The following YTHDF3 variants were observed in gnomAD, a reference collection of about 807,000 sequenced individuals.
YTHDF3 encodes YTH N6-methyladenosine RNA binding protein F3, also known as YTH domain-containing family protein 3.
YTHDF3 carries 9 observed loss-of-function variants against 52.5 expected under a neutral mutation model. The ratio of observed to expected loss-of-function variants is 0.17; its 90% CI spans 0.10 to 0.30. YTHDF3 has a LOEUF of 0.30. YTHDF3 is among the 10% of genes least tolerant of loss of function. The pLI is 1.00. For synonymous variants in YTHDF3, 274 were observed against 243.3 expected, an observed-to-expected ratio of 1.13 and a Z score of -1.18; for missense variants, 534 against 715.0, an observed-to-expected ratio of 0.75 and a Z score of 2.89.
chr8:63,205,662 G>T (rs746384129), intron 4 of YTHDF3, among the ~76,000 whole-genome samples: 63 of 152,162 alleles, frequency 4.1e-4, no homozygotes, highest in Admixed American at 1.6e-3. Context: ...TTGAATTCCT[G>T]ACCTCAGGTG....
chr8:63,172,827 A>G, intron 2 of YTHDF3: 1 of 1,230,904 alleles, frequency 8.1e-7, no homozygotes, highest in Non-Finnish European at 1.0e-6. Flanking sequence ...TTACCCCTGA[A>G]GAAATTTTAC....
intron 4 of YTHDF3, 38 bp from the exon 5 acceptor site, chr8:63,209,645 G>T: frequency 6.6e-7 from 1 of 1,518,288 alleles, no homozygotes; most frequent in Non-Finnish European, 8.8e-7. Flanking sequence ...GTTTTTCATT[G>T]TAATTCTTTT....
At chr8:63,178,508 G>T (rs564151926) in intron 3 of YTHDF3, among the ~76,000 whole-genome samples, 13 of 152,202 alleles carry the variant, frequency 8.5e-5, no homozygotes, top group Non-Finnish European at 1.5e-4. Flanking sequence ...CAAAACATTT[G>T]TAAAATAGAT....
rs61277098 is a variant in YTHDF3 at position 63,195,731 on chromosome 8, CGTGTGTGTGTGTGTGT to C, written c.1734+8004_1734+8019del. Among the ~76,000 whole-genome samples, 805 of 145,358 alleles carry C rather than the reference CGTGTGTGTGTGTGTGT, an allele frequency of 5.5e-3. 10 individuals carry two copies. The highest frequency in any genetic ancestry group is 0.02 in the African/African-American group (780 of 39,172). ...GCAACATAGTGAGACCATGTATTTA[CGTGTGTGTGTGTGTGT>C]GTGTGTGTGTGTGTGTGACCCTGGG... On this transcript the variant is annotated intron_variant, in intron 4 of 4. Transcript: ENST00000539294.
chr8:63,198,747 T>G (rs998947074), intron 4 of YTHDF3, among the ~76,000 whole-genome samples: 1 of 152,198 alleles, frequency 6.6e-6, no homozygotes, highest in Non-Finnish European at 1.5e-5. Flanking sequence ...TCCCTGGCAG[T>G]TTTTAGTAAC....
intron 4 of YTHDF3, among the ~76,000 whole-genome samples, chr8:63,190,170 T>C (rs1031148230): frequency 2.0e-5 from 3 of 152,180 alleles, no homozygotes; most frequent in East Asian, 1.9e-4. Context: ...AGTCACAGAT[T>C]TGGGGACCTT....
intron 3 of YTHDF3, among the ~76,000 whole-genome samples, chr8:63,181,967 T>C (rs1245023854): frequency 2.0e-5 from 3 of 152,256 alleles, no homozygotes; most frequent in African/African-American, 4.8e-5. Flanking sequence ...AGAAAGTACA[T>C]AGCATAATAC....
intron 2 of YTHDF3, among the ~76,000 whole-genome samples, chr8:63,170,140 T>A (rs1020036502): frequency 6.6e-6 from 1 of 152,198 alleles, no homozygotes; most frequent in Non-Finnish European, 1.5e-5. Flanking sequence ...CATGTGACAT[T>A]TAGTTAAGTA....
chr8:63,186,893 T>C lies in YTHDF3; in HGVS notation c.882T>C (p.Val294=). 2 of 1,613,966 alleles carry C rather than the reference T, an allele frequency of 1.2e-6. No individual in the cohort carries two copies. Among genetic ancestry groups the C allele is most frequent in the Non-Finnish European group, 1.7e-6 (2 of 1,179,892 alleles). The change falls in exon 4 of 5, where the codon GTT becomes GTC. Residue 294 remains valine, a synonymous_variant. Coordinates refer to ENST00000539294, the MANE Select transcript of YTHDF3 (RefSeq NM_152758.6). ...TAAAGGCTCCACCAACCCAACCAGTTCTGCCTCCTCAAACTATAATCCAGC... is the reference window on the plus strand; with the variant it reads ...TAAAGGCTCCACCAACCCAACCAGTCCTGCCTCCTCAAACTATAATCCAGC... ...SVVKAPPTQP[V]LPPQTIIQQP...
chr8:63,175,394 A>T lies in YTHDF3; in HGVS notation c.113A>T (p.Tyr38Phe). Residue 38 changes from tyrosine to phenylalanine, a missense_variant, in exon 3 of 5, where the codon TAC (tyrosine) becomes TTC (phenylalanine). Around this residue, in one of 3 missense-constraint regions of YTHDF3, gnomAD observed 196 missense variants for 299.5 expected, o/e 0.65. Coordinates refer to ENST00000539294, the MANE Select transcript of YTHDF3 (RefSeq NM_152758.6). ...DAVNDDDFEP[Y>F]LSSQTNQSNS... Reference sequence around the variant, plus strand: ...GTAAATGATGATGATTTTGAGCCATACTTAAGTAGCCAGACAAATCAGGTA... The same window carrying T: ...GTAAATGATGATGATTTTGAGCCATTCTTAAGTAGCCAGACAAATCAGGTA... 9 of 1,612,060 alleles carry T rather than the reference A, an allele frequency of 5.6e-6. No individual in the cohort carries two copies. The highest frequency in any genetic ancestry group is 7.6e-6 in the Non-Finnish European group (9 of 1,178,846).
chr8:63,181,867 G>T (rs1808161550), intron 3 of YTHDF3, among the ~76,000 whole-genome samples: 1 of 152,148 alleles, frequency 6.6e-6, no homozygotes, highest in Admixed American at 6.5e-5. Context: ...ATTACGGTTG[G>T]TGAAATACTC....
At chr8:63,188,371 G>A (rs1232037799) in intron 4 of YTHDF3, among the ~76,000 whole-genome samples, 1 of 150,420 alleles carries the variant, frequency 6.6e-6, no homozygotes, top group Non-Finnish European at 1.5e-5. Flanking sequence ...CTCTTGTCCC[G>A]GCAGGAGTGT....
chr8:63,186,122 C>T, intron 3 of YTHDF3, 25 bp from the exon 4 acceptor site: 1 of 1,574,370 alleles, frequency 6.4e-7, no homozygotes, highest in East Asian at 2.3e-5. Flanking sequence ...CATTTCGCTA[C>T]TGATTGTGAT....
At position 63,187,070 on chromosome 8, in the gene YTHDF3, C is replaced by G; in HGVS notation, c.1059C>G (p.Arg353=). The G allele has an allele frequency of 6.2e-7, 1 of 1,613,734 alleles. No homozygotes were observed. The highest frequency in any genetic ancestry group is 8.5e-7 in the Non-Finnish European group (1 of 1,179,784). Residue 353 remains arginine (R), a synonymous_variant, in exon 4 of 5, where the codon CGC becomes CGG. Transcript: ENST00000539294. ...VQPQQQQLQN[R]WVAPRNRGAG... ...CTCAACAGCAGCAGCTGCAGAATCG[C>G]TGGGTAGCTCCTCGTAACAGGGGAG...
chr8:63,170,432 T>C (rs946625896), intron 2 of YTHDF3, among the ~76,000 whole-genome samples: 2 of 152,186 alleles, frequency 1.3e-5, no homozygotes, highest in African/African-American at 2.4e-5. Context: ...AATTTGTACA[T>C]ACCAGTTACA....
At chr8:63,192,385 A>G (rs970252040) in intron 4 of YTHDF3, among the ~76,000 whole-genome samples, 1 of 152,136 alleles carries the variant, frequency 6.6e-6, no homozygotes, top group Non-Finnish European at 1.5e-5. Context: ...GCAAATGTGG[A>G]GATGGGAGAG....
intron 1 of YTHDF3, 196 bp downstream of exon 1, chr8:63,169,097 C>T (rs1179581897): frequency 2.9e-6 from 4 of 1,382,114 alleles, no homozygotes; most frequent in Non-Finnish European, 3.7e-6. Context: ...GGGCGCGGTG[C>T]CGCGGCGGGT....
At chr8:63,175,922 T>C (rs1425972921) in intron 3 of YTHDF3, among the ~76,000 whole-genome samples, 1 of 152,240 alleles carries the variant, frequency 6.6e-6, no homozygotes, top group East Asian at 1.9e-4. Flanking sequence ...ATGTCGGTGA[T>C]AGAATTAAGG....
rs1049560702 is a variant in YTHDF3, at chr8:63,189,727, C to G, written c.1734+1982C>G. ...TTATTGAAATTGCAGATTCTCGAGACCCATCCCTTGGTATATTTGATAAAG... is the reference window on the plus strand; with the variant it reads ...TTATTGAAATTGCAGATTCTCGAGAGCCATCCCTTGGTATATTTGATAAAG... On this transcript the variant is annotated intron_variant, in intron 4 of 4. Transcript: ENST00000539294. Among the ~76,000 whole-genome samples, 8 of 152,102 alleles carry G rather than the reference C, an allele frequency of 5.3e-5. No homozygotes were observed. The South Asian group carries it at 6.2e-4, about 12-fold the overall frequency.
Sources: gnomAD v4.1 joint callset for allele counts (sites outside exome capture counted in the v4.1 genomes callset) on GRCh38, gnomAD v4.1.1 for gene constraint, gnomAD v4.1.1 regional missense constraint, MANE v1.5 for transcripts, NCBI Gene and HGNC (gene_info 2026-07-23, HGNC 2026-07-21) for gene names.